The following GRID2 variants were observed in gnomAD, a reference collection of about 807,000 sequenced individuals.
GRID2 encodes the protein glutamate receptor ionotropic, delta-2.
GRID2 carries 33 observed loss-of-function variants against 114.8 expected under a neutral mutation model. That is an observed-to-expected ratio of 0.29 (90% CI 0.22 to 0.38). The LOEUF (loss-of-function observed/expected upper bound fraction) is 0.38. GRID2 is among the 10% of genes least tolerant of loss of function. The probability of loss-of-function intolerance (pLI) is 1.00; values close to 1 mark genes in which losing one functional copy is unlikely to be tolerated. For missense variants in GRID2, 1,184 were observed against 1,257.7 expected, an observed-to-expected ratio of 0.94 and a Z score of 0.89; for synonymous variants, 505 against 449.9, an observed-to-expected ratio of 1.12 and a Z score of -1.55.
chr4:92,524,038 G>A (rs538446971), intron 1 of GRID2, among the ~76,000 whole-genome samples: 1 of 152,036 alleles, frequency 6.6e-6, no homozygotes, highest in Non-Finnish European at 1.5e-5. Context: ...TGTTGATGAG[G>A]AAGAACAATC....
At chr4:92,501,799 T>G (rs182861553) in intron 1 of GRID2, among the ~76,000 whole-genome samples, 1 of 152,308 alleles carries the variant, frequency 6.6e-6, no homozygotes, top group Admixed American at 6.5e-5. Context: ...TTCCTGCACT[T>G]TTAAAATTAT....
chr4:92,697,637 T>C (rs879489250), intron 2 of GRID2, among the ~76,000 whole-genome samples: 3 of 152,140 alleles, frequency 2.0e-5, no homozygotes, highest in Non-Finnish European at 4.4e-5. Flanking sequence ...GTGAGCTTTT[T>C]TGACAGAAAA....
At chr4:93,652,351 C>T (rs1256763099) in intron 14 of GRID2, among the ~76,000 whole-genome samples, 1 of 152,060 alleles carries the variant, frequency 6.6e-6, no homozygotes, top group Non-Finnish European at 1.5e-5. Flanking sequence ...AAAATTAATA[C>T]AGTCATGTAC....
chr4:93,664,642 G>C (rs1368401632), intron 14 of GRID2, among the ~76,000 whole-genome samples: 29 of 152,142 alleles, frequency 1.9e-4, no homozygotes, highest in Admixed American at 1.9e-3. Flanking sequence ...AGAATATTTT[G>C]GGGTGGGTAG....
intron 10 of GRID2, among the ~76,000 whole-genome samples, chr4:93,450,117 T>C (rs1313530123): frequency 6.6e-6 from 1 of 151,920 alleles, no homozygotes; most frequent in East Asian, 1.9e-4. Context: ...ATAATTTATA[T>C]CAATTGAGGA....
At chr4:93,350,767 C>A (rs191316509) in intron 8 of GRID2, among the ~76,000 whole-genome samples, 2 of 152,056 alleles carry the variant, frequency 1.3e-5, no homozygotes, top group Admixed American at 6.6e-5. Flanking sequence ...AACCAGACAC[C>A]AAATCCCAGT....
At chr4:93,155,691 AG>A (rs1192821898) in intron 4 of GRID2, among the ~76,000 whole-genome samples, 10 of 151,778 alleles carry the variant, frequency 6.6e-5, no homozygotes, top group Admixed American at 2.6e-4. Context: ...TGGAGAAGGG[AG>A]GGGCAAGCAA....
chr4:92,659,889 AT>A (rs1323646409), intron 2 of GRID2, among the ~76,000 whole-genome samples: 2 of 151,470 alleles, frequency 1.3e-5, no homozygotes, highest in Non-Finnish European at 3.0e-5. Context: ...TAGTTAGTAC[AT>A]TCTTTCCTCG....
chr4:93,508,725 A>G (rs756334737), intron 12 of GRID2, among the ~76,000 whole-genome samples: 2 of 152,156 alleles, frequency 1.3e-5, no homozygotes, highest in Non-Finnish European at 2.9e-5. Flanking sequence ...TCAAAGATGA[A>G]GTTTTTTAAA....
At chr4:93,511,779 C>CTTT (rs1157223214) in intron 12 of GRID2, among the ~76,000 whole-genome samples, 2 of 137,518 alleles carry the variant, frequency 1.5e-5, no homozygotes, top group East Asian at 2.0e-4. Context: ...ATTCCTTCTT[C>CTTT]TTTTTTTTTT....
intron 13 of GRID2, among the ~76,000 whole-genome samples, chr4:93,518,411 T>C (rs1470490020): frequency 6.6e-6 from 1 of 152,030 alleles, no homozygotes; most frequent in African/African-American, 2.4e-5. Flanking sequence ...AACCAAGATC[T>C]TTTGCATAAG....
chr4:92,884,670 C>T (rs1746248954), intron 2 of GRID2: 2 of 177,744 alleles, frequency 1.1e-5, no homozygotes, highest in Non-Finnish European at 1.2e-5. Flanking sequence ...GCCTATTGAA[C>T]ATTGAAACTC....
chr4:92,619,270 C>T (rs1305347805), intron 2 of GRID2, among the ~76,000 whole-genome samples: 3 of 151,644 alleles, frequency 2.0e-5, no homozygotes, highest in African/African-American at 7.3e-5. Context: ...TCTTCTGTGA[C>T]AGTGCAAGGT....
At chr4:93,143,653 A>G (rs1735952824) in intron 4 of GRID2, among the ~76,000 whole-genome samples, 1 of 152,188 alleles carries the variant, frequency 6.6e-6, no homozygotes, top group South Asian at 2.1e-4. Flanking sequence ...AAAAAATCAC[A>G]TATATCATTA....
intron 14 of GRID2, among the ~76,000 whole-genome samples, chr4:93,667,308 A>C (rs777386938): frequency 1.3e-5 from 2 of 151,954 alleles, no homozygotes; most frequent in Non-Finnish European, 2.9e-5. Context: ...ACAGACTAGC[A>C]TGGCATAATT....
At chr4:93,254,521 A>G (rs547602540) in intron 8 of GRID2, among the ~76,000 whole-genome samples, 1 of 152,236 alleles carries the variant, frequency 6.6e-6, no homozygotes, top group South Asian at 2.1e-4. Flanking sequence ...GAATCAAAGT[A>G]GTTTTGTGGT....
At position 93,057,162 on chromosome 4, in the gene GRID2, C is replaced by CTGTGTGTGTGTG. The variant is rs139689521; in HGVS notation, c.245-27819_245-27808dup. On this transcript the variant is annotated intron_variant, in intron 2 of 15. Coordinates refer to ENST00000282020, the MANE Select transcript of GRID2 (RefSeq NM_001510.4). ...GAAGTGTGTGAGTGTGTATGTGTGT[C>CTGTGTGTGTGTG]TGTGTGTGTGTGTGTGTGTGTGTGT... Among the ~76,000 whole-genome samples the CTGTGTGTGTGTG allele has an allele frequency of 1.4e-3, 200 of 147,926 alleles. 1 individual carries two copies. Among genetic ancestry groups the CTGTGTGTGTGTG allele is most frequent in the African/African-American group, 4.5e-3 (183 of 40,486 alleles).
chr4:92,482,062 C>A (rs1443099939), intron 1 of GRID2, among the ~76,000 whole-genome samples: 1 of 127,938 alleles, frequency 7.8e-6, no homozygotes, highest in Admixed American at 8.6e-5. Flanking sequence ...TATAGCTGCT[C>A]AGAGAATTTT....
At chr4:93,788,759 T>C (rs1000208951) in intron 1 of GRID2, among the ~76,000 whole-genome samples, 2 of 152,188 alleles carry the variant, frequency 1.3e-5, no homozygotes, top group African/African-American at 2.4e-5. Flanking sequence ...AAAAAATATT[T>C]CCATAAGGAA....
Sources: gnomAD v4.1 joint callset for allele counts (sites outside exome capture counted in the v4.1 genomes callset) on GRCh38, gnomAD v4.1.1 for gene constraint, MANE v1.5 for transcripts, NCBI Gene and HGNC (gene_info 2026-07-23, HGNC 2026-07-21) for gene names.